Variants in ZNF70 observed in about 807,000 individuals in gnomAD.
ZNF70 encodes zinc finger protein 70, also known as zinc finger protein N27C7-1.
ZNF70 carries 18 observed loss-of-function variants against 37.7 expected under a neutral mutation model. That is an observed-to-expected ratio of 0.48 (90% CI 0.33 to 0.71). The LOEUF is 0.71. Ranked by LOEUF, ZNF70 falls within the 30% of genes least tolerant of loss-of-function variation. The pLI, the probability that ZNF70 is intolerant of heterozygous loss-of-function variation, is 0.02. For missense variants in ZNF70, 506 were observed against 568.6 expected (o/e 0.89, Z 1.12); for synonymous variants, 219 against 220.1 (o/e 0.99, Z 0.05).
Position 23,743,823 on chromosome 22 carries a change from T to C in ZNF70, c.1318A>G (p.Ile440Val). The C allele has an allele frequency of 6.2e-7, 1 of 1,614,044 alleles. No homozygotes were observed. Among genetic ancestry groups the C allele is most frequent in the Non-Finnish European group, 8.5e-7 (1 of 1,179,946 alleles). Residue 440 changes from isoleucine to valine, a missense_variant, in exon 2 of 2, where the codon ATT becomes GTT. Coordinates refer to ENST00000341976, the MANE Select transcript of ZNF70 (RefSeq NM_021916.4). ...GSSHLIRHQK[I>V]HSGEKL ...TTCTATAGCTTCTCCCCAGAATGAA[T>C]CTTCTGATGGCGAATCAGGTGCGAG...
rs920450858 is a variant in ZNF70 at position 23,738,878 on chromosome 22, T to C, written c.*4922A>G. ...ATGAGTGTTCTGAACTGCTTTGGTG[T>C]CACAGAGGCATTTAAAAATATAGTA... On this transcript the variant is annotated 3_prime_UTR_variant, in exon 2 of 2. Coordinates refer to ENST00000341976, the MANE Select transcript of ZNF70 (RefSeq NM_021916.4). 4 of 152,128 alleles carry C rather than the reference T, an allele frequency of 2.6e-5. No homozygotes were observed. The highest frequency in any genetic ancestry group is 9.7e-5 in the African/African-American group (4 of 41,404). 9.4% of individuals were successfully genotyped at this position (152,128 alleles called of 1,614,324 possible).
In ZNF70 at chr22:23,745,049, A is replaced by G. The variant is rs1346422738; in HGVS notation, c.92T>C (p.Leu31Pro). The change falls in exon 2 of 2, where the codon CTG becomes CCG. Residue 31 changes from leucine (L) to proline (P), a missense_variant. By Grantham distance (98) the Leu-to-Pro change is moderately conservative. Coordinates refer to ENST00000341976, the MANE Select transcript of ZNF70 (RefSeq NM_021916.4). Reference sequence around the variant, plus strand: ...TCTTTCCTGAAGAAAAGGGTCCCCCAGGTCCTCCCCTGGGAAAAGCCCTTG... The same window carrying G: ...TCTTTCCTGAAGAAAAGGGTCCCCCGGGTCCTCCCCTGGGAAAAGCCCTTG... ...SQQGLFPGED[L>P]GDPFLQERGL... is the part of the protein sequence containing the mutation. 6.2e-7 allele frequency: 1 copy of G among 1,614,110 alleles called. No homozygotes were observed. Among genetic ancestry groups the G allele is most frequent in the African/African-American group, 1.3e-5 (1 of 74,944 alleles).
At chr22:23,746,338 C>G (rs1447902402) in intron 1 of ZNF70, among the ~76,000 whole-genome samples, 1 of 150,920 alleles carries the variant, frequency 6.6e-6, no homozygotes, top group Non-Finnish European at 1.5e-5. Context: ...TCCCGAGTAG[C>G]TGGGATTACA....
Position 23,744,007 on chromosome 22 carries a change from C to G in ZNF70, c.1134G>C (p.Ala378=), listed in dbSNP as rs368570781. ...TGTGGATTCTCTGGTGCTGGATCAGCGCAGAGCTGTGGCAAAAGGCCTTGC... is the reference window on the plus strand; with the variant it reads ...TGTGGATTCTCTGGTGCTGGATCAGGGCAGAGCTGTGGCAAAAGGCCTTGC... ...QCGKAFCHSS[A]LIQHQRIHTG... The change falls in exon 2 of 2, where the codon GCG becomes GCC. Residue 378 remains alanine (A), a synonymous_variant. Coordinates refer to ENST00000341976, the MANE Select transcript of ZNF70 (RefSeq NM_021916.4). 38 of 1,613,950 alleles carry G rather than the reference C, an allele frequency of 2.4e-5. 1 individual carries two copies. The highest frequency in any genetic ancestry group is 1.4e-4 in the South Asian group (13 of 91,076).
rs138150320 is a variant in ZNF70 at position 23,744,843 on chromosome 22, C to T, written c.298G>A (p.Asp100Asn). Residue 100 changes from aspartate to asparagine, a missense_variant, in exon 2 of 2, where the codon GAC (aspartate) becomes AAC (asparagine). Physicochemically the swap from Asp to Asn is conservative, Grantham distance 23. Coordinates refer to ENST00000341976, the MANE Select transcript of ZNF70 (RefSeq NM_021916.4). ...TGGATTATCTGACACATGCTGAGGT[C>T]GGATTTCTGGAGGAAGGTTTGTCCG... ...LFGQTFLQKS[D>N]LSMCQIIHSE... The T allele has an allele frequency of 4.5e-3, 7,292 of 1,614,150 alleles. 20 individuals carry two copies. The highest frequency in any genetic ancestry group is 5.6e-3 in the Non-Finnish European group (6,596 of 1,180,024).
chr22:23,740,737 T>TG lies in ZNF70; in HGVS notation c.*3062dup, dbSNP rs370296356. ...TCGCACCACTGCACTCCAGCCTGGG[T>TG]GACAGTGAGACTCTGTCTCAAAAAA... On this transcript the variant is annotated 3_prime_UTR_variant, in exon 2 of 2. Coordinates refer to ENST00000341976, the MANE Select transcript of ZNF70 (RefSeq NM_021916.4). 6.8e-5 allele frequency: 8 copies of TG among 117,874 alleles called. No homozygotes were observed. Among genetic ancestry groups the TG allele is most frequent in the South Asian group, 5.1e-4 (2 of 3,884 alleles). 7.3% of individuals were successfully genotyped at this position (117,874 alleles called of 1,614,324 possible).
chr22:23,749,900 C>A (rs1477997981), intron 1 of ZNF70, among the ~76,000 whole-genome samples: 2 of 152,114 alleles, frequency 1.3e-5, no homozygotes, highest in African/African-American at 4.8e-5. Flanking sequence ...TCTAGCTCCA[C>A]CCCTTCTCCA....
Position 23,744,181 on chromosome 22 carries a change from G to A in ZNF70, c.960C>T (p.Ser320=), listed in dbSNP as rs748920164. The part of the protein sequence containing the change: ...CDECGKAFSQ[S]SNLIEHRKTH... ...TCTTGCGGTGCTCAATGAGGTTGGAGCTCTGGCTGAAGGCCTTCCCGCACT... is the reference window on the plus strand; with the variant it reads ...TCTTGCGGTGCTCAATGAGGTTGGAACTCTGGCTGAAGGCCTTCCCGCACT... Residue 320 remains serine (S), a synonymous_variant, in exon 2 of 2, where the codon AGC becomes AGT. Transcript: ENST00000341976. 1 of 1,614,208 alleles carries A rather than the reference G, an allele frequency of 6.2e-7. No homozygotes were observed. The highest frequency in any genetic ancestry group is 2.2e-5 in the East Asian group (1 of 44,876).
chr22:23,739,342 C>T lies in ZNF70; in HGVS notation c.*4458G>A, dbSNP rs1924806279. On this transcript the variant is annotated 3_prime_UTR_variant, in exon 2 of 2. Coordinates refer to ENST00000341976, the MANE Select transcript of ZNF70 (RefSeq NM_021916.4). ...CCAGGCTGGAGTGCAGTGGCACCACCTCGGCTCACTGCAAGCTCTGCCTCC... is the reference window on the plus strand; with the variant it reads ...CCAGGCTGGAGTGCAGTGGCACCACTTCGGCTCACTGCAAGCTCTGCCTCC... 1 of 152,158 alleles carries T rather than the reference C, an allele frequency of 6.6e-6. No homozygotes were observed. Among genetic ancestry groups the T allele is most frequent in the African/African-American group, 2.4e-5 (1 of 41,436 alleles). 9.4% of individuals were successfully genotyped at this position (152,158 alleles called of 1,614,324 possible). A position where few individuals can be genotyped will look rare whatever the true frequency, so the allele number is the denominator to read the frequency against.
Position 23,740,955 on chromosome 22 carries a change from C to A in ZNF70, c.*2845G>T, listed in dbSNP as rs1000295292. 6.6e-6 allele frequency: 1 copy of A among 152,078 alleles called. No homozygotes were observed. Among genetic ancestry groups the A allele is most frequent in the Non-Finnish European group, 1.5e-5 (1 of 68,040 alleles). 9.4% of individuals were successfully genotyped at this position (152,078 alleles called of 1,614,324 possible). On this transcript the variant is annotated 3_prime_UTR_variant, in exon 2 of 2. Coordinates refer to ENST00000341976, the MANE Select transcript of ZNF70 (RefSeq NM_021916.4). ...GAGGGAGGGAGAGGAGGAGAAAGTG[C>A]ACATTTCAAAATGCAAGAACAGCAC...
rs1601317425 is a variant in ZNF70 at position 23,743,465 on chromosome 22, ATTC to A, written c.*332_*334del. The A allele has an allele frequency of 7.6e-6, 2 of 261,580 alleles. No individual in the cohort carries two copies. Among genetic ancestry groups the A allele is most frequent in the East Asian group, 1.5e-4 (2 of 13,742 alleles). The allele number at this position is 261,580 out of a possible 1,614,324, so 16.2% of individuals were successfully genotyped here. A position where few individuals can be genotyped will look rare whatever the true frequency, so the allele number is the denominator to read the frequency against. On this transcript the variant is annotated 3_prime_UTR_variant, in exon 2 of 2. Transcript: ENST00000341976. ...TTCAACTTTCTCCCTCTTGGCATTT[ATTC>A]TTCTAGATTCTGGGAAATGTGAAGA...
Position 23,747,714 on chromosome 22 carries a change from C to T in ZNF70, c.-79-2495G>A, listed in dbSNP as rs562315416. The stretch of plus-strand genomic sequence containing the variant: ...AGGCGTGGTGGCAGGTGCCTGTAGT[C>T]CCAGCTACTCGGGAGGCTGAGGCAG... On this transcript the variant is annotated intron_variant, in intron 1 of 1. Coordinates refer to ENST00000341976, the MANE Select transcript of ZNF70 (RefSeq NM_021916.4). 3.7e-4 allele frequency among the ~76,000 whole-genome samples: 57 copies of T among 152,196 alleles called. 1 individual carries two copies. In the South Asian group the frequency reaches 0.011, roughly 30 times the overall value.
chr22:23,748,980 C>T (rs1925226725), intron 1 of ZNF70, among the ~76,000 whole-genome samples: 1 of 152,122 alleles, frequency 6.6e-6, no homozygotes, highest in Non-Finnish European at 1.5e-5. Flanking sequence ...GAACCTCTGG[C>T]TCCTGGGTTC....
rs1256870433 is a variant in ZNF70 at position 23,743,783 on chromosome 22, T to C, written c.*17A>G. The C allele has an allele frequency of 1.2e-6, 2 of 1,602,472 alleles. No homozygotes were observed. The highest frequency in any genetic ancestry group is 1.7e-6 in the Non-Finnish European group (2 of 1,174,228). On this transcript the variant is annotated 3_prime_UTR_variant, in exon 2 of 2. Transcript: ENST00000341976. ...CCATCTGGCACAGGCTTTCAAGCTTTGTGTGGGCTCCTCTTTCTATAGCTT... is the reference window on the plus strand; with the variant it reads ...CCATCTGGCACAGGCTTTCAAGCTTCGTGTGGGCTCCTCTTTCTATAGCTT...
rs542262761 is a variant in ZNF70 at position 23,749,246 on chromosome 22, G to A, written c.-80+1465C>T. ...GTCTGTAATCCCAGCTACTCCGGGA[G>A]GCTGAGGCAGGAGAATCGCTTGAAC... is the stretch of plus-strand genomic sequence containing the variant. On this transcript the variant is annotated intron_variant, in intron 1 of 1. Transcript: ENST00000341976. Among the ~76,000 whole-genome samples, 7 of 150,714 alleles carry A rather than the reference G, an allele frequency of 4.6e-5. No individual in the cohort carries two copies. In the South Asian group the frequency reaches 8.4e-4, roughly 18 times the overall value.
intron 1 of ZNF70, among the ~76,000 whole-genome samples, chr22:23,748,004 G>T (rs961067475): frequency 6.6e-6 from 1 of 152,010 alleles, no homozygotes; most frequent in South Asian, 2.1e-4. Flanking sequence ...AGAAACTTCT[G>T]TGCTAGATAA....
rs951014619 is a variant in ZNF70 at position 23,744,631 on chromosome 22, G to A, written c.510C>T (p.Cys170=). 59 of 1,613,894 alleles carry A rather than the reference G, an allele frequency of 3.7e-5. No individual in the cohort carries two copies. Among genetic ancestry groups the A allele is most frequent in the Non-Finnish European group, 4.9e-5 (58 of 1,179,974 alleles). ...GGCTGAAGGCCTTCCCGCACTCACA[G>A]CACTCATAGGGCTTCTCCCCAGTGT... ...VIHTGEKPYE[C]CECGKAFSQS... The change falls in exon 2 of 2, where the codon TGC becomes TGT. Residue 170 remains cysteine, a synonymous_variant. Coordinates refer to ENST00000341976, the MANE Select transcript of ZNF70 (RefSeq NM_021916.4).
chr22:23,748,546 A>ATT (rs36067984), intron 1 of ZNF70, among the ~76,000 whole-genome samples: 20 of 142,066 alleles, frequency 1.4e-4, no homozygotes, highest in East Asian at 6.2e-4. Context: ...AGCAGAAATG[A>ATT]TTTTTTTTTT....
Position 23,744,961 on chromosome 22 carries a change from A to G in ZNF70, c.180T>C (p.Asn60=), listed in dbSNP as rs779270037. 1.9e-6 allele frequency: 3 copies of G among 1,613,978 alleles called. No individual in the cohort carries two copies. The highest frequency in any genetic ancestry group is 4.5e-5 in the East Asian group (2 of 44,876). The change falls in exon 2 of 2, where the codon AAT becomes AAC. Residue 60 remains asparagine (N), a synonymous_variant. Coordinates refer to ENST00000341976, the MANE Select transcript of ZNF70 (RefSeq NM_021916.4). The part of the protein sequence containing the change: ...EIPLGEQDEE[N]DDYEGNFSLC... The stretch of plus-strand genomic sequence containing the variant: ...AACTGAAATTCCCCTCGTAATCATC[A>G]TTTTCTTCGTCCTGCTCACCAAGAG...
Sources: allele counts gnomAD v4.1 joint callset (sites outside exome capture counted in the v4.1 genomes callset), GRCh38; gene constraint gnomAD v4.1.1; transcripts MANE v1.5; gene names NCBI Gene and HGNC (gene_info 2026-07-23, HGNC 2026-07-21).